Variants in NARF observed in about 807,000 individuals in gnomAD.
NARF encodes the protein iron-only hydrogenase-like protein 2.
In NARF, 41 loss-of-function variants were observed where a neutral mutation model predicts 48.0. The observed-to-expected ratio is 0.85, with a 90% CI of 0.66 to 1.11. NARF has a LOEUF of 1.11. Among genes scored for constraint, NARF ranks in the 50% least tolerant of loss-of-function variants. The pLI, the probability that NARF is intolerant of heterozygous loss-of-function variation, is 0.00. For synonymous variants in NARF, 215 were observed against 225.5 expected (o/e 0.95, Z 0.42); for missense variants, 613 against 590.2 (o/e 1.04, Z -0.40).
At chr17:82,480,287 G>GCACACACACACACA (rs5822530) in intron 6 of NARF, 78 of 376,184 alleles carry the variant, frequency 2.1e-4, no homozygotes, top group African/African-American at 1.3e-3. Context: ...TAGCCAGCGC[G>GCACACACACACACA]CGCACACACA....
At chr17:82,462,280 A>G (rs1277255233) in intron 2 of NARF, among the ~76,000 whole-genome samples, 1 of 151,526 alleles carries the variant, frequency 6.6e-6, no homozygotes, top group African/African-American at 2.4e-5. Context: ...CTGGCACACC[A>G]GGCAAGAGGA....
chr17:82,471,559 G>A (rs1237347763), intron 4 of NARF, among the ~76,000 whole-genome samples: 4 of 150,116 alleles, frequency 2.7e-5, no homozygotes, highest in Non-Finnish European at 3.0e-5. Context: ...TTGGGAGGCC[G>A]AGGCGGGCGG....
chr17:82,487,998 C>A lies in NARF; in HGVS notation c.1212C>A (p.Tyr404Ter), dbSNP rs377082959. The A allele has an allele frequency of 6.2e-7, 1 of 1,614,226 alleles. No homozygotes were observed. Among genetic ancestry groups the A allele is most frequent in the South Asian group, 1.1e-5 (1 of 91,088 alleles). Residue 404 changes from tyrosine (Y) to a stop codon, truncating the protein, a stop_gained, in exon 11 of 11, where the codon TAC becomes TAA. Transcript: ENST00000309794. LOFTEE classifies it low-confidence loss of function (END_TRUNC). ...KALLRQMEGI[Y>*]ADIPVRRPES... ...TGCTGCGGCAGATGGAAGGCATTTA[C>A]GCTGACATCCCTGTGCGGCGTCCGG...
chr17:82,483,795 G>GTAA lies in NARF; in HGVS notation c.833+16_833+17insTAA. ...TCGACACTCTGTAAGTGGCTTCTCT[G>GTAA]GGGAGAGTCCTCTGGGGGGCAGGAC... On this transcript the variant is annotated intron_variant, in intron 8 of 10. Transcript: ENST00000309794. 6.2e-7 allele frequency: 1 copy of GTAA among 1,612,364 alleles called. No individual in the cohort carries two copies. The highest frequency in any genetic ancestry group is 1.7e-5 in the Admixed American group (1 of 60,000).
intron 1 of NARF, 102 bp downstream of exon 1, chr17:82,458,932 G>A: frequency 8.1e-7 from 1 of 1,236,946 alleles, no homozygotes; most frequent in South Asian, 3.7e-5. Flanking sequence ...TCGCTTCAGG[G>A]CTCTTCAAGG....
At chr17:82,471,937 A>T (rs531612993) in intron 4 of NARF, among the ~76,000 whole-genome samples, 2 of 152,226 alleles carry the variant, frequency 1.3e-5, no homozygotes, top group African/African-American at 4.8e-5. Context: ...ATATTTCATT[A>T]ATTTATATAT....
chr17:82,459,982 C>T lies in NARF; in HGVS notation c.28-10C>T, dbSNP rs2043393847. On this transcript the variant is annotated splice_polypyrimidine_tract_variant and intron_variant, in intron 1 of 10. Transcript: ENST00000309794. The stretch of plus-strand genomic sequence containing the variant: ...AAAGTTCATTGATAATGTTCCTTTG[C>T]TTTTTTAAGGAATGTAGTAAGAAAA... 3 of 1,610,218 alleles carry T rather than the reference C, an allele frequency of 1.9e-6. No homozygotes were observed. The highest frequency in any genetic ancestry group is 2.5e-6 in the Non-Finnish European group (3 of 1,177,110).
intron 2 of NARF, among the ~76,000 whole-genome samples, chr17:82,461,609 T>C (rs2043440429): frequency 6.6e-6 from 1 of 152,062 alleles, no homozygotes; most frequent in African/African-American, 2.4e-5. Flanking sequence ...AGACTCCGTC[T>C]CAAAAAAAAG....
At position 82,471,787 on chromosome 17, in the gene NARF, G is replaced by A. The variant is rs1252418726; in HGVS notation, c.386-777G>A. On this transcript the variant is annotated intron_variant, in intron 4 of 10. Coordinates refer to ENST00000309794, the MANE Select transcript of NARF (RefSeq NM_012336.4). ...AGCTTGCGCGAAAGAGTGAGACTCC[G>A]TCTCAAAAAAAAAAAAAAAAGTATG... Among the ~76,000 whole-genome samples the A allele has an allele frequency of 1.2e-4, 6 of 49,742 alleles. No homozygotes were observed. In the South Asian group the frequency reaches 3.6e-3, roughly 30 times the overall value. The allele number at this position is 49,742 out of a possible 152,430, so 32.6% of individuals were successfully genotyped here.
chr17:82,478,643 G>T, intron 5 of NARF, 157 bp from the exon 6 acceptor site: 1 of 779,988 alleles, frequency 1.3e-6, no homozygotes, highest in Non-Finnish European at 2.2e-6. Context: ...CCGAGGACGG[G>T]TTTTGGGTCC....
Position 82,458,882 on chromosome 17 carries a change from T to G in NARF, c.27+52T>G, listed in dbSNP as rs755485470. On this transcript the variant is annotated intron_variant, in intron 1 of 10. Coordinates refer to ENST00000309794, the MANE Select transcript of NARF (RefSeq NM_012336.4). ...GCGCCTGGTGCTTGTCCTGTGGGGCTCTGGGCGGCCGAGGTTGGCGGTCCG... is the reference window on the plus strand; with the variant it reads ...GCGCCTGGTGCTTGTCCTGTGGGGCGCTGGGCGGCCGAGGTTGGCGGTCCG... 6.0e-6 allele frequency: 8 copies of G among 1,326,664 alleles called. No individual in the cohort carries two copies. The South Asian group carries it at 1.5e-4, about 25-fold the overall frequency. The allele number at this position is 1,326,664 out of a possible 1,614,324, so 82.2% of individuals were successfully genotyped here. A position where few individuals can be genotyped will look rare whatever the true frequency, so the allele number is the denominator to read the frequency against.
chr17:82,460,370 C>G (rs1320530532), intron 2 of NARF: 1 of 209,800 alleles, frequency 4.8e-6, no homozygotes, highest in Non-Finnish European at 9.8e-6. Flanking sequence ...GAGGCTGAGG[C>G]AGGAGAATTG....
chr17:82,483,310 A>T, intron 7 of NARF: 1 of 328,054 alleles, frequency 3.0e-6, no homozygotes, highest in Non-Finnish European at 6.0e-6. Flanking sequence ...CGGAGGTGAG[A>T]CTCCATCTCA....
At chr17:82,467,868 G>C (rs1222564079) in intron 3 of NARF, among the ~76,000 whole-genome samples, 2 of 152,158 alleles carry the variant, frequency 1.3e-5, no homozygotes, top group Non-Finnish European at 2.9e-5. Context: ...TTTTATTGTT[G>C]TGTAGTAATT....
At chr17:82,466,126 G>A (rs911013968) in intron 3 of NARF, among the ~76,000 whole-genome samples, 3 of 152,168 alleles carry the variant, frequency 2.0e-5, no homozygotes, top group East Asian at 1.9e-4. Flanking sequence ...AGACTTAGTG[G>A]ATACAGCTTT....
intron 9 of NARF, 96 bp downstream of exon 9, chr17:82,485,046 G>T (rs2044065891): frequency 1.4e-6 from 2 of 1,395,378 alleles, no homozygotes; most frequent in East Asian, 5.0e-5. Context: ...TCTATGGATG[G>T]AGTTTACACT....
intron 5 of NARF, chr17:82,478,509 T>C: frequency 6.1e-6 from 3 of 495,646 alleles, no homozygotes; most frequent in South Asian, 4.7e-5. Flanking sequence ...TCAGTGCTTG[T>C]TCCCCTTCAC....
chr17:82,481,278 C>A, intron 7 of NARF, 67 bp downstream of exon 7: 2 of 1,590,350 alleles, frequency 1.3e-6, no homozygotes, highest in Non-Finnish European at 8.5e-7. Context: ...CACACCAGAG[C>A]CAGGCAGATC....
intron 3 of NARF, among the ~76,000 whole-genome samples, chr17:82,467,187 C>T (rs550345313): frequency 1.1e-4 from 17 of 152,110 alleles, no homozygotes; most frequent in Middle Eastern, 3.4e-3. Context: ...TCTGGGATTA[C>T]AGGTGCACAC....
Sources: gnomAD v4.1 joint callset for allele counts (sites outside exome capture counted in the v4.1 genomes callset) on GRCh38, gnomAD v4.1.1 for gene constraint, MANE v1.5 for transcripts, NCBI Gene and HGNC (gene_info 2026-07-23, HGNC 2026-07-21) for gene names.